WDR70: variants seen among roughly 807,000 people sequenced by gnomAD.
WDR70 encodes WD repeat domain 70, also known as WD repeat-containing protein 70.
WDR70 carries 53 observed loss-of-function variants against 88.6 expected under a neutral mutation model. The ratio of observed to expected loss-of-function variants is 0.60; its 90% CI spans 0.48 to 0.75. The LOEUF (loss-of-function observed/expected upper bound fraction) is 0.75, where lower values mean the gene tolerates loss of function less well. Among genes scored for constraint, WDR70 ranks in the 30% least tolerant of loss-of-function variants. The pLI is 0.00. For synonymous variants in WDR70, 280 were observed against 270.0 expected, an observed-to-expected ratio of 1.04 and a Z score of -0.36; for missense variants, 610 against 823.2, an observed-to-expected ratio of 0.74 and a Z score of 3.17.
At chr5:37,424,179 CA>C (rs565968711) in intron 5 of WDR70, among the ~76,000 whole-genome samples, 91 of 112,074 alleles carry the variant, frequency 8.1e-4, no homozygotes, top group African/African-American at 2.4e-3. Flanking sequence ...AAAACAAAGA[CA>C]AAAAAAAATT....
At chr5:37,587,930 C>G (rs1476107014) in intron 9 of WDR70, among the ~76,000 whole-genome samples, 1 of 151,970 alleles carries the variant, frequency 6.6e-6, no homozygotes, top group East Asian at 1.9e-4. Flanking sequence ...CAGGTGCACA[C>G]CACCACGCCA....
chr5:37,589,232 A>G (rs998363608), intron 9 of WDR70, among the ~76,000 whole-genome samples: 6 of 131,726 alleles, frequency 4.6e-5, no homozygotes, highest in African/African-American at 1.7e-4. Flanking sequence ...ACATACATAC[A>G]TATATACCTA....
intron 9 of WDR70, among the ~76,000 whole-genome samples, chr5:37,593,522 GC>G (rs1477876414): frequency 6.6e-6 from 1 of 152,138 alleles, no homozygotes; most frequent in Non-Finnish European, 1.5e-5. Context: ...ACGTATATGT[GC>G]CACATTTTCT....
chr5:37,689,453 T>A (rs900740842), intron 10 of WDR70, among the ~76,000 whole-genome samples: 1 of 152,062 alleles, frequency 6.6e-6, no homozygotes, highest in Admixed American at 6.6e-5. Context: ...AGACACCTCA[T>A]ATAGGTGGGT....
rs1230191240 is a variant in WDR70, at chr5:37,721,198, C to T, written c.1500C>T (p.Asp500=). 9 of 1,613,592 alleles carry T rather than the reference C, an allele frequency of 5.6e-6. No homozygotes were observed. The South Asian group carries it at 9.9e-5, about 18-fold the overall frequency. Residue 500 remains aspartate, a synonymous_variant, in exon 14 of 18, where the codon GAC becomes GAT. Coordinates refer to ENST00000265107, the MANE Select transcript of WDR70 (RefSeq NM_018034.4). ...ATGGATTGGCTAAAGTCTATTACGA[C>T]CCCAACAAGAGTCAGAGGTATTTCA... The part of the protein sequence containing the change: ...TGNGLAKVYY[D]PNKSQRGAKL...
At chr5:37,478,324 G>A (rs973732544) in intron 7 of WDR70, among the ~76,000 whole-genome samples, 1 of 152,178 alleles carries the variant, frequency 6.6e-6, no homozygotes, top group Admixed American at 6.5e-5. Flanking sequence ...AGCAATTGTG[G>A]TTGCCCTACT....
At chr5:37,532,204 C>T (rs1019011887) in intron 9 of WDR70, among the ~76,000 whole-genome samples, 1 of 152,146 alleles carries the variant, frequency 6.6e-6, no homozygotes, top group African/African-American at 2.4e-5. Flanking sequence ...TTTTTATTGT[C>T]TTGACTTTTG....
At chr5:37,497,454 T>TTCCCTCTTCCCTTC (rs1317146969) in intron 8 of WDR70, among the ~76,000 whole-genome samples, 1 of 110,218 alleles carries the variant, frequency 9.1e-6, no homozygotes, top group Non-Finnish European at 1.8e-5. Flanking sequence ...GTCTTCCCTT[T>TTCCCTCTTCCCTTC]CCTTCCGTCT....
chr5:37,703,213 A>G, intron 13 of WDR70, 126 bp downstream of exon 13: 1 of 1,171,476 alleles, frequency 8.5e-7, no homozygotes, highest in Non-Finnish European at 1.2e-6. Context: ...GCTGCTTTTC[A>G]CTCTAGCGTA....
At chr5:37,571,886 T>A (rs1290448267) in intron 9 of WDR70, among the ~76,000 whole-genome samples, 1 of 152,136 alleles carries the variant, frequency 6.6e-6, no homozygotes, top group Non-Finnish European at 1.5e-5. Context: ...AAAAGAATGA[T>A]GTCTGGAGTC....
chr5:37,495,458 C>T (rs1296663855), intron 8 of WDR70, among the ~76,000 whole-genome samples: 1 of 151,890 alleles, frequency 6.6e-6, no homozygotes, highest in Non-Finnish European at 1.5e-5. Flanking sequence ...CTCTCTCTCT[C>T]TCTCTCTTTC....
intron 9 of WDR70, among the ~76,000 whole-genome samples, chr5:37,594,325 G>A (rs1218996042): frequency 3.3e-5 from 5 of 152,220 alleles, no homozygotes; most frequent in African/African-American, 9.6e-5. Flanking sequence ...TTTTTATACG[G>A]TATAAGGAAG....
chr5:37,473,576 T>C (rs1262858342), intron 7 of WDR70, among the ~76,000 whole-genome samples: 1 of 152,170 alleles, frequency 6.6e-6, no homozygotes, highest in Non-Finnish European at 1.5e-5. Context: ...GCTCCTGAGC[T>C]CAGGTGATCT....
chr5:37,627,258 T>C (rs893839797), intron 10 of WDR70, among the ~76,000 whole-genome samples: 2 of 152,036 alleles, frequency 1.3e-5, no homozygotes, highest in African/African-American at 4.8e-5. Flanking sequence ...CTGGCTAATT[T>C]CTGTATTTTT....
intron 9 of WDR70, among the ~76,000 whole-genome samples, chr5:37,559,424 C>G (rs930857233): frequency 9.9e-5 from 15 of 152,102 alleles, no homozygotes; most frequent in African/African-American, 9.7e-5. Flanking sequence ...TTTCCTTTAC[C>G]CATTCTCCTC....
intron 8 of WDR70, among the ~76,000 whole-genome samples, 196 bp downstream of exon 8, chr5:37,480,183 A>T (rs908046047): frequency 1.3e-5 from 2 of 152,158 alleles, no homozygotes; most frequent in Non-Finnish European, 2.9e-5. Flanking sequence ...GATCGCTGTA[A>T]GATACAAAAG....
intron 7 of WDR70, among the ~76,000 whole-genome samples, chr5:37,471,082 A>G (rs550024962): frequency 4.9e-4 from 74 of 152,114 alleles, no homozygotes; most frequent in African/African-American, 1.7e-3. Flanking sequence ...GGGTTTTGCC[A>G]TGTTGGCCAG....
At chr5:37,635,941 G>A (rs997428347) in intron 10 of WDR70, among the ~76,000 whole-genome samples, 7 of 152,066 alleles carry the variant, frequency 4.6e-5, no homozygotes, top group East Asian at 1.9e-4. Context: ...CTCTTCACAC[G>A]GCACTTCTTG....
chr5:37,676,670 A>G (rs1008758282), intron 10 of WDR70, among the ~76,000 whole-genome samples: 4 of 152,030 alleles, frequency 2.6e-5, no homozygotes, highest in Admixed American at 1.3e-4. Flanking sequence ...ATCAATGTTC[A>G]TCAAGGATAT....
Sources: gnomAD v4.1 joint callset for allele counts (sites outside exome capture counted in the v4.1 genomes callset) on GRCh38, gnomAD v4.1.1 for gene constraint, MANE v1.5 for transcripts, NCBI Gene and HGNC (gene_info 2026-07-23, HGNC 2026-07-21) for gene names.